Variants in SDR9C7 observed in about 807,000 individuals in gnomAD.
SDR9C7 encodes the protein short chain dehydrogenase/reductase family 9C member 7.
A neutral mutation model predicts 23.6 loss-of-function variants in SDR9C7; 11 were observed. The observed-to-expected ratio is 0.47, with a 90% confidence interval of 0.29 to 0.77. The LOEUF (loss-of-function observed/expected upper bound fraction) is 0.77, where lower values mean the gene tolerates loss of function less well. SDR9C7 is among the 30% of genes least tolerant of loss of function. SDR9C7 has a pLI of 0.09. For synonymous variants in SDR9C7, 167 were observed against 157.3 expected (o/e 1.06, Z -0.46); for missense variants, 387 against 407.1 (o/e 0.95, Z 0.42).
intron 1 of SDR9C7, 45 bp downstream of exon 1, chr12:56,933,916 G>A (rs1415340187): frequency 6.4e-7 from 1 of 1,563,374 alleles, no homozygotes; most frequent in Admixed American, 1.7e-5. Context: ...AGAGGAAGAG[G>A]AAGAAGGAGA....
At position 56,930,497 on chromosome 12, in the gene SDR9C7, T is replaced by A. The variant is rs752869992; in HGVS notation, c.302-13A>T. On this transcript the variant is annotated splice_polypyrimidine_tract_variant and intron_variant, in intron 1 of 3. Coordinates refer to ENST00000293502, the MANE Select transcript of SDR9C7 (RefSeq NM_148897.3). ...AGGGCCCAGAGGCCTGGGGGTGAGA[T>A]GAACCACACAGAAATCATCAGTGGG... is the stretch of plus-strand genomic sequence containing the variant. The A allele has an allele frequency of 1.2e-6, 2 of 1,613,040 alleles. No homozygotes were observed. Among genetic ancestry groups the A allele is most frequent in the Admixed American group, 1.7e-5 (1 of 59,960 alleles).
At chr12:56,929,149 C>T (rs1445400019) in intron 3 of SDR9C7, among the ~76,000 whole-genome samples, 1 of 152,170 alleles carries the variant, frequency 6.6e-6, no homozygotes, top group African/African-American at 2.4e-5. Flanking sequence ...TCCCCTGCAT[C>T]ATGATGCTGT....
chr12:56,932,415 C>T (rs765409352), intron 1 of SDR9C7, among the ~76,000 whole-genome samples: 1 of 152,350 alleles, frequency 6.6e-6, no homozygotes, highest in African/African-American at 2.4e-5. Context: ...GAGACGGATT[C>T]TCCTCTACAG....
intron 3 of SDR9C7, among the ~76,000 whole-genome samples, chr12:56,928,487 T>A (rs840162): frequency 0.34 from 52,389 of 152,048 alleles, 11,629 homozygotes; most frequent in African/African-American, 0.63. Flanking sequence ...TGTTTTGATT[T>A]ATGTTTGTCT....
At chr12:56,924,498 T>C (rs1378088369) in intron 3 of SDR9C7, among the ~76,000 whole-genome samples, 2 of 152,212 alleles carry the variant, frequency 1.3e-5, no homozygotes, top group Admixed American at 6.5e-5. Flanking sequence ...CAATTGTGCA[T>C]TGAAGTCCTA....
At chr12:56,929,320 G>A in intron 3 of SDR9C7, 70 bp downstream of exon 3, 2 of 1,494,950 alleles carry the variant, frequency 1.3e-6, no homozygotes, top group Admixed American at 1.7e-5. Flanking sequence ...TCTGTAAACG[G>A]AAAGCCAGCT....
chr12:56,926,466 C>T (rs1955734752), intron 3 of SDR9C7, among the ~76,000 whole-genome samples: 1 of 152,218 alleles, frequency 6.6e-6, no homozygotes, highest in Non-Finnish European at 1.5e-5. Context: ...ATGCTCCCTA[C>T]TATAGCAATC....
At chr12:56,929,619 G>T in intron 2 of SDR9C7, 66 bp from the exon 3 acceptor site, 1 of 1,553,990 alleles carries the variant, frequency 6.4e-7, no homozygotes, top group Non-Finnish European at 8.8e-7. Flanking sequence ...AGTCACCTCT[G>T]GATGGGCTGG....
In SDR9C7 at chr12:56,923,884, C is replaced by T. The variant is rs1465540598; in HGVS notation, c.891G>A (p.Val297=). Residue 297 remains valine (V), a synonymous_variant, in exon 4 of 4, where the codon GTG becomes GTA. Coordinates refer to ENST00000293502, the MANE Select transcript of SDR9C7 (RefSeq NM_148897.3). Reference sequence around the variant, plus strand: ...GGTACCGGCTTAGGATGAAATCTGTCACAGGGGTGGGCAACTTAGCCAGAG... The same window carrying T: ...GGTACCGGCTTAGGATGAAATCTGTTACAGGGGTGGGCAACTTAGCCAGAG... ...YIPLAKLPTP[V]TDFILSRYLP... 6.2e-7 allele frequency: 1 copy of T among 1,613,890 alleles called. No homozygotes were observed.
chr12:56,929,521 C>A lies in SDR9C7; in HGVS notation c.593G>T (p.Cys198Phe). 1 of 1,611,562 alleles carries A rather than the reference C, an allele frequency of 6.2e-7. No homozygotes were observed. Among genetic ancestry groups the A allele is most frequent in the Non-Finnish European group, 8.5e-7 (1 of 1,177,924 alleles). The change falls in exon 3 of 4, where the codon TGC becomes TTC. Residue 198 changes from cysteine (C) to phenylalanine (F), a missense_variant. Transcript: ENST00000293502. Reference sequence around the variant, plus strand: ...CCGATAGTTCCCTGGCTCAATGATGCAGACTTTCACCCCAAAGTAGTAGAG... The same window carrying A: ...CCGATAGTTCCCTGGCTCAATGATGAAGACTTTCACCCCAAAGTAGTAGAG... ...RELYYFGVKV[C>F]IIEPGNYRTA...
At chr12:56,927,306 T>C (rs1175243625) in intron 3 of SDR9C7, among the ~76,000 whole-genome samples, 1 of 152,196 alleles carries the variant, frequency 6.6e-6, no homozygotes, top group African/African-American at 2.4e-5. Context: ...ACTTAGAAAA[T>C]GACTTTGTGA....
chr12:56,933,305 C>T (rs948324171), intron 1 of SDR9C7, among the ~76,000 whole-genome samples: 1 of 152,198 alleles, frequency 6.6e-6, no homozygotes, highest in African/African-American at 2.4e-5. Context: ...GTTTGTATTT[C>T]CCCAGGAGCT....
Position 56,934,120 on chromosome 12 carries a change from G to C in SDR9C7, c.142C>G (p.Arg48Gly), listed in dbSNP as rs760003577. The C allele has an allele frequency of 1.2e-6, 2 of 1,614,208 alleles. No homozygotes were observed. Among genetic ancestry groups the C allele is most frequent in the East Asian group, 2.2e-5 (1 of 44,874 alleles). ...CAAGCAGCCAGCACCTGCATGCCCC[G>C]ATCAACCAGCTGTTTGGCCAGCAGG... ...GNLLAKQLVD[R>G]GMQVLAACFT... Residue 48 changes from arginine (R) to glycine (G), a missense_variant, in exon 1 of 4, where the codon CGG becomes GGG. Physicochemically the swap from Arg to Gly is moderately radical, Grantham distance 125. Transcript: ENST00000293502.
chr12:56,927,919 T>G (rs1955744369), intron 3 of SDR9C7, among the ~76,000 whole-genome samples: 1 of 152,190 alleles, frequency 6.6e-6, no homozygotes, highest in Admixed American at 6.5e-5. Flanking sequence ...CTTTTCTGCT[T>G]AAATAATTTG....
At chr12:56,925,298 C>A (rs1955726319) in intron 3 of SDR9C7, among the ~76,000 whole-genome samples, 1 of 152,096 alleles carries the variant, frequency 6.6e-6, no homozygotes, top group South Asian at 2.1e-4. Context: ...CACCACACAC[C>A]CACCAGGCCC....
rs548189251 is a variant in SDR9C7, at chr12:56,929,153, A to C, written c.724+237T>G. Among the ~76,000 whole-genome samples the C allele has an allele frequency of 4.0e-4, 61 of 152,162 alleles. 2 individuals are homozygous for C. In the South Asian group the frequency reaches 0.012, roughly 31 times the overall value. ...TTTCACCTGATTCCCCTGCATCATG[A>C]TGCTGTGGGGGCAGGTGCCAGGAGT... On this transcript the variant is annotated intron_variant, in intron 3 of 3. Coordinates refer to ENST00000293502, the MANE Select transcript of SDR9C7 (RefSeq NM_148897.3).
chr12:56,928,689 T>C (rs1171310528), intron 3 of SDR9C7, among the ~76,000 whole-genome samples: 1 of 152,230 alleles, frequency 6.6e-6, no homozygotes, highest in Non-Finnish European at 1.5e-5. Flanking sequence ...CTGACTTGGC[T>C]TTGTGCTCTG....
intron 3 of SDR9C7, among the ~76,000 whole-genome samples, chr12:56,924,349 A>G (rs1592421213): frequency 6.6e-6 from 1 of 152,230 alleles, no homozygotes; most frequent in Non-Finnish European, 1.5e-5. Flanking sequence ...GAACCACTTG[A>G]ACCCAGGAGG....
chr12:56,926,634 G>A (rs962890307), intron 3 of SDR9C7, among the ~76,000 whole-genome samples: 4 of 152,188 alleles, frequency 2.6e-5, no homozygotes, highest in African/African-American at 9.7e-5. Context: ...AACAATCCAT[G>A]AGAGAGGAAT....
Sources: allele counts gnomAD v4.1 joint callset (sites outside exome capture counted in the v4.1 genomes callset), GRCh38; gene constraint gnomAD v4.1.1; transcripts MANE v1.5; gene names NCBI Gene and HGNC (gene_info 2026-07-23, HGNC 2026-07-21).